Variants in LARP1 observed in about 807,000 individuals in gnomAD.
The protein encoded by LARP1 is La ribonucleoprotein 1, translational regulator, also known as la-related protein 1.
In LARP1, 36 loss-of-function variants were observed where a neutral mutation model predicts 122.7. That is an observed-to-expected ratio of 0.29 (90% CI 0.22 to 0.39). The LOEUF is 0.39. LARP1 is among the 10% of genes least tolerant of loss of function. LARP1 has a pLI of 1.00. For missense variants in LARP1, 1,040 were observed against 1,403.6 expected (o/e 0.74, Z 4.14); for synonymous variants, 539 against 528.7 (o/e 1.02, Z -0.27).
chr5:154,782,460 G>A (rs1039438343), intron 1 of LARP1, among the ~76,000 whole-genome samples: 1 of 152,160 alleles, frequency 6.6e-6, no homozygotes, highest in Non-Finnish European at 1.5e-5. Context: ...TGGGCGGGGA[G>A]AGTGGGAGCA....
chr5:154,756,250 TC>T, intron 1 of LARP1, 57 bp downstream of exon 1: 1 of 1,141,032 alleles, frequency 8.8e-7, no homozygotes. Context: ...GACATGGGAG[TC>T]CCCTCCCCCA....
In LARP1 at chr5:154,738,524, G is replaced by A. The variant is rs771732898; in HGVS notation, c.205+25394G>A. ...GGAGAATCGCTTGAACCTGAGAGGC[G>A]GATGTTGCAGTGAGCCGAGATCGGG... On this transcript the variant is annotated intron_variant, in intron 1 of 18. Transcript: ENST00000336314. 4.6e-5 allele frequency among the ~76,000 whole-genome samples: 7 copies of A among 152,096 alleles called. No individual in the cohort carries two copies. The South Asian group carries it at 8.3e-4, about 18-fold the overall frequency.
chr5:154,698,916 C>T (rs188624928), intron 1 of LARP1, among the ~76,000 whole-genome samples: 12 of 152,222 alleles, frequency 7.9e-5, no homozygotes, highest in Admixed American at 6.5e-4. Context: ...CATTAGTGTA[C>T]TAATAAGAAA....
intron 1 of LARP1, among the ~76,000 whole-genome samples, chr5:154,770,115 A>G (rs1010859684): frequency 1.3e-4 from 19 of 151,714 alleles, no homozygotes; most frequent in African/African-American, 4.4e-4. Flanking sequence ...AAATGGACAG[A>G]GGAGGTAGGG....
intron 1 of LARP1, among the ~76,000 whole-genome samples, chr5:154,786,262 A>G (rs868213294): frequency 1.1e-4 from 17 of 152,218 alleles, no homozygotes; most frequent in Middle Eastern, 6.8e-3. Flanking sequence ...GCTGGTCTCT[A>G]ACTCCTGACC....
chr5:154,693,854 T>TA lies in LARP1; in HGVS notation c.-180+10835dup, dbSNP rs36035997. Among the ~76,000 whole-genome samples, 116 of 130,312 alleles carry TA rather than the reference T, an allele frequency of 8.9e-4. 1 individual carries two copies. The highest frequency in any genetic ancestry group is 3.4e-3 in the South Asian group (14 of 4,176). The allele number at this position is 130,312 out of a possible 152,430, so 85.5% of individuals were successfully genotyped here. Reference sequence around the variant, plus strand: ...CTGGGCGACAGAGCAAGACTCCGTCTAAAAAAAAAAAAAAAAAAGAAAGAA... The same window carrying TA: ...CTGGGCGACAGAGCAAGACTCCGTCTAAAAAAAAAAAAAAAAAAAGAAAGAA... On this transcript the variant is annotated intron_variant, in intron 1 of 18. Coordinates refer to the LARP1 transcript ENST00000687700.
chr5:154,722,795 C>T (rs1166236923), intron 1 of LARP1, among the ~76,000 whole-genome samples: 1 of 151,650 alleles, frequency 6.6e-6, no homozygotes, highest in African/African-American at 2.4e-5. Context: ...ATTCTCCTGC[C>T]TCAGTCTCCT....
rs1235668076 is a variant in LARP1 at position 154,817,292 on chromosome 5, A to C, written c.*3196A>C. On this transcript the variant is annotated 3_prime_UTR_variant, in exon 19 of 19. Coordinates refer to ENST00000518297, the MANE Select transcript of LARP1 (RefSeq NM_033551.3). ...TTCAGCCATGCTGATGGCAGAGAAGATAAGAACTTGGAGCCCATTTCTCAC... is the reference window on the plus strand; with the variant it reads ...TTCAGCCATGCTGATGGCAGAGAAGCTAAGAACTTGGAGCCCATTTCTCAC... 6.6e-6 allele frequency: 1 copy of C among 152,562 alleles called. No homozygotes were observed. The highest frequency in any genetic ancestry group is 1.9e-4 in the East Asian group (1 of 5,184). 9.5% of individuals were successfully genotyped at this position (152,562 alleles called of 1,614,324 possible).
chr5:154,806,065 T>A, intron 15 of LARP1, 33 bp downstream of exon 15: 1 of 1,608,176 alleles, frequency 6.2e-7, no homozygotes, highest in Non-Finnish European at 8.5e-7. Flanking sequence ...GATGAGCCTC[T>A]GGGCCCGTTA....
At chr5:154,763,102 C>T (rs568687013) in intron 1 of LARP1, among the ~76,000 whole-genome samples, 20 of 147,712 alleles carry the variant, frequency 1.4e-4, no homozygotes, top group East Asian at 2.0e-4. Context: ...TCTCTCGTTG[C>T]CCAGGCTGGA....
At chr5:154,752,388 G>A (rs531117439), upstream of LARP1, among the ~76,000 whole-genome samples, 2 of 151,978 alleles carry the variant, frequency 1.3e-5, no homozygotes, top group African/African-American at 2.4e-5. Context: ...GATTACAGGT[G>A]TGCGCCACCA....
At chr5:154,809,495 A>G (rs1479053851) in intron 16 of LARP1, among the ~76,000 whole-genome samples, 1 of 152,010 alleles carries the variant, frequency 6.6e-6, no homozygotes, top group Non-Finnish European at 1.5e-5. Flanking sequence ...TTCTTGGCAT[A>G]TTTAATGTAT....
intron 15 of LARP1, 74 bp downstream of exon 15, chr5:154,806,106 A>G: frequency 6.7e-7 from 1 of 1,485,528 alleles, no homozygotes; most frequent in Non-Finnish European, 9.1e-7. Context: ...GTTGGGGGAT[A>G]CGGGGATAGG....
At chr5:154,764,595 CAAAAAAAAAAAAA>C (rs1158921641) in intron 1 of LARP1, among the ~76,000 whole-genome samples, 1 of 44,888 alleles carries the variant, frequency 2.2e-5, no homozygotes, top group Non-Finnish European at 3.7e-5. Context: ...GACCATGTCT[CAAAAAAAAAAAAA>C]AAAAAAAAAA....
chr5:154,750,119 G>C (rs1753406547), intron 1 of LARP1, among the ~76,000 whole-genome samples: 1 of 152,250 alleles, frequency 6.6e-6, no homozygotes, highest in Non-Finnish European at 1.5e-5. Context: ...AGCCTGCTGT[G>C]TCTCTCTTTA....
chr5:154,792,517 G>A, intron 3 of LARP1, 105 bp from the exon 4 acceptor site: 2 of 988,074 alleles, frequency 2.0e-6, no homozygotes, highest in Non-Finnish European at 3.1e-6. Flanking sequence ...GCCTGCCATT[G>A]CATGCTGTGG....
At chr5:154,683,231 C>A (rs1333187662) in intron 1 of LARP1, among the ~76,000 whole-genome samples, 1 of 152,194 alleles carries the variant, frequency 6.6e-6, no homozygotes, top group Admixed American at 6.5e-5. Context: ...CATTCTCAGC[C>A]GCACATGCAA....
intron 1 of LARP1, among the ~76,000 whole-genome samples, chr5:154,719,548 A>C (rs1278536321): frequency 6.6e-6 from 1 of 152,234 alleles, no homozygotes; most frequent in Non-Finnish European, 1.5e-5. Context: ...AGTACATTAA[A>C]AATGAAGTCT....
rs34840033 is a variant in LARP1, at chr5:154,725,388, C to CAA, written c.205+12276_205+12277dup. On this transcript the variant is annotated intron_variant, in intron 1 of 18. Transcript: ENST00000336314. ...TGGGTGACAGAGTGGGACTCTGTCT[C>CAA]AAAAAAAAAAAAAAAAAAAGGTGTG... 5.7e-4 allele frequency among the ~76,000 whole-genome samples: 35 copies of CAA among 61,464 alleles called. 1 individual carries two copies. Among genetic ancestry groups the CAA allele is most frequent in the East Asian group, 7.5e-4 (2 of 2,666 alleles). 40.3% of individuals were successfully genotyped at this position (61,464 alleles called of 152,430 possible).
Sources: gnomAD v4.1 joint callset for allele counts (sites outside exome capture counted in the v4.1 genomes callset) on GRCh38, gnomAD v4.1.1 for gene constraint, MANE v1.5 for transcripts, NCBI Gene and HGNC (gene_info 2026-07-23, HGNC 2026-07-21) for gene names.